Variants in FLRT2 observed in about 807,000 individuals in gnomAD.
FLRT2 encodes the protein fibronectin leucine rich transmembrane protein 2.
A neutral mutation model predicts 40.0 loss-of-function variants in FLRT2; 15 were observed. That is an observed-to-expected ratio of 0.38 (90% CI 0.25 to 0.58). The LOEUF (loss-of-function observed/expected upper bound fraction) is 0.58, where lower values mean the gene tolerates loss of function less well. FLRT2 is among the 20% of genes least tolerant of loss of function. FLRT2 has a pLI of 0.71. For synonymous variants in FLRT2, 380 were observed against 336.8 expected (o/e 1.13, Z -1.41); for missense variants, 726 against 840.0 (o/e 0.86, Z 1.68).
At position 85,624,457 on chromosome 14, in the gene FLRT2, T is replaced by C. The variant is rs138269960; in HGVS notation, c.*960T>C. ...ATTCACTGAGGCTATGTCAACATGATATTTAGACCAACAGGTGATCAATGT... is the reference window on the plus strand; with the variant it reads ...ATTCACTGAGGCTATGTCAACATGACATTTAGACCAACAGGTGATCAATGT... On this transcript the variant is annotated 3_prime_UTR_variant, in exon 2 of 2. Transcript: ENST00000330753. 5.9e-3 allele frequency: 989 copies of C among 167,224 alleles called. 6 individuals carry two copies. Among genetic ancestry groups the C allele is most frequent in the South Asian group, 0.023 (110 of 4,834 alleles). 10.4% of individuals were successfully genotyped at this position (167,224 alleles called of 1,614,324 possible). A position where few individuals can be genotyped will look rare whatever the true frequency, so the allele number is the denominator to read the frequency against.
chr14:85,565,829 T>C (rs547578386), intron 1 of FLRT2, among the ~76,000 whole-genome samples: 3 of 152,316 alleles, frequency 2.0e-5, no homozygotes, highest in South Asian at 2.1e-4. Context: ...CCTTGGAACC[T>C]GAAATGGAAT....
intron 1 of FLRT2, among the ~76,000 whole-genome samples, chr14:85,593,203 T>G (rs552379387): frequency 4.6e-5 from 7 of 152,316 alleles, no homozygotes; most frequent in Non-Finnish European, 7.4e-5. Context: ...TTATATAATT[T>G]TCCTAGATTA....
At chr14:85,577,558 C>A (rs761884361) in intron 1 of FLRT2, among the ~76,000 whole-genome samples, 29 of 152,086 alleles carry the variant, frequency 1.9e-4, no homozygotes, top group Non-Finnish European at 3.5e-4. Context: ...GAGGACTATG[C>A]CCTACCTTCC....
intron 1 of FLRT2, among the ~76,000 whole-genome samples, chr14:85,548,311 C>T (rs932014745): frequency 2.6e-5 from 4 of 152,212 alleles, no homozygotes; most frequent in Admixed American, 1.3e-4. Context: ...TTAAAATTAT[C>T]TCATAGAAGA....
intron 1 of FLRT2, among the ~76,000 whole-genome samples, chr14:85,576,231 T>C (rs1347081200): frequency 1.9e-4 from 29 of 152,258 alleles, no homozygotes; most frequent in Admixed American, 1.8e-3. Context: ...CCGGGTTTCC[T>C]TCAGCTCTAG....
At chr14:85,550,843 G>A (rs986306232) in intron 1 of FLRT2, among the ~76,000 whole-genome samples, 9 of 152,250 alleles carry the variant, frequency 5.9e-5, no homozygotes, top group African/African-American at 1.4e-4. Flanking sequence ...TCTGGAGGGG[G>A]TTTCATTGGA....
Position 85,650,998 on chromosome 14 carries a change from G to A in FLRT2, c.*27501G>A, listed in dbSNP as rs1031719075. On this transcript the variant is annotated 3_prime_UTR_variant, in exon 2 of 2. Transcript: ENST00000330753. Reference sequence around the variant, plus strand: ...TAAAGTGCTGGGATTATAGGCCTGAGCCACTGGCCTGTTTTGTTTTTCTTA... The same window carrying A: ...TAAAGTGCTGGGATTATAGGCCTGAACCACTGGCCTGTTTTGTTTTTCTTA... 6.6e-6 allele frequency: 1 copy of A among 151,908 alleles called. No individual in the cohort carries two copies. The highest frequency in any genetic ancestry group is 2.4e-5 in the African/African-American group (1 of 41,374). 9.4% of individuals were successfully genotyped at this position (151,908 alleles called of 1,614,324 possible).
chr14:85,538,138 T>C (rs933163047), intron 1 of FLRT2, among the ~76,000 whole-genome samples: 4 of 152,142 alleles, frequency 2.6e-5, no homozygotes, highest in African/African-American at 9.6e-5. Flanking sequence ...ATACCACCTC[T>C]AACTTAATTT....
chr14:85,549,384 C>T (rs1342780280), intron 1 of FLRT2, among the ~76,000 whole-genome samples: 2 of 152,206 alleles, frequency 1.3e-5, no homozygotes, highest in Admixed American at 1.3e-4. Context: ...AGCTCTTGTC[C>T]TGGCCTCTGC....
intron 1 of FLRT2, among the ~76,000 whole-genome samples, chr14:85,541,804 A>G (rs1566717420): frequency 6.6e-6 from 1 of 152,002 alleles, no homozygotes; most frequent in Non-Finnish European, 1.5e-5. Flanking sequence ...ATGGGTTTAT[A>G]CCCACCCCCA....
Position 85,641,234 on chromosome 14 carries a change from G to A in FLRT2, c.*17737G>A, listed in dbSNP as rs977001711. On this transcript the variant is annotated 3_prime_UTR_variant, in exon 2 of 2. Coordinates refer to ENST00000330753, the MANE Select transcript of FLRT2 (RefSeq NM_013231.6). ...ACAGTCAGCTTTTTCCCTGGATATG[G>A]CTTATTGGTATTCATTATTCCCAAT... 1 of 152,184 alleles carries A rather than the reference G, an allele frequency of 6.6e-6. No individual in the cohort carries two copies. Among genetic ancestry groups the A allele is most frequent in the African/African-American group, 2.4e-5 (1 of 41,438 alleles). The allele number at this position is 152,184 out of a possible 1,614,324, so 9.4% of individuals were successfully genotyped here.
intron 1 of FLRT2, among the ~76,000 whole-genome samples, chr14:85,542,820 T>G (rs1889057803): frequency 6.6e-6 from 1 of 152,190 alleles, no homozygotes; most frequent in African/African-American, 2.4e-5. Context: ...AGCTTGTAAC[T>G]GAGGATTTGA....
chr14:85,634,104 C>T lies in FLRT2; in HGVS notation c.*10607C>T, dbSNP rs1215934560. 1 of 152,182 alleles carries T rather than the reference C, an allele frequency of 6.6e-6. No homozygotes were observed. Among genetic ancestry groups the T allele is most frequent in the Non-Finnish European group, 1.5e-5 (1 of 68,036 alleles). 9.4% of individuals were successfully genotyped at this position (152,182 alleles called of 1,614,324 possible). A position where few individuals can be genotyped will look rare whatever the true frequency, so the allele number is the denominator to read the frequency against. The stretch of plus-strand genomic sequence containing the variant: ...TCAGCTGGATCACGTTGTTTTCTTT[C>T]TGTACACTTTGTGGTAGTTAATAGT... On this transcript the variant is annotated 3_prime_UTR_variant, in exon 2 of 2. Coordinates refer to ENST00000330753, the MANE Select transcript of FLRT2 (RefSeq NM_013231.6).
Position 85,636,952 on chromosome 14 carries a change from A to AC in FLRT2, c.*13455_*13456insC, listed in dbSNP as rs1894022067. 1 of 150,862 alleles carries AC rather than the reference A, an allele frequency of 6.6e-6. No individual in the cohort carries two copies. Among genetic ancestry groups the AC allele is most frequent in the African/African-American group, 2.4e-5 (1 of 41,148 alleles). The allele number at this position is 150,862 out of a possible 1,614,324, so 9.3% of individuals were successfully genotyped here. On this transcript the variant is annotated 3_prime_UTR_variant, in exon 2 of 2. Coordinates refer to ENST00000330753, the MANE Select transcript of FLRT2 (RefSeq NM_013231.6). ...TCCAAAAAAAAAAAAAAAAAAAAAA[A>AC]AAGAGAGAGACTAACATTCTAACAG...
At chr14:85,608,422 C>A (rs2747004) in intron 1 of FLRT2, among the ~76,000 whole-genome samples, 24,913 of 151,744 alleles carry the variant, frequency 0.16, 2,567 homozygotes, top group East Asian at 0.54. Flanking sequence ...TTAGTAGAGA[C>A]TGGGTTTCGC....
rs34410873 is a variant in FLRT2, at chr14:85,627,577, T to TACACACAC, written c.*4096_*4103dup. ...TTATTATCAAACATGCACATGCTTG[T>TACACACAC]ACACACACACACACACACACACAAA... On this transcript the variant is annotated 3_prime_UTR_variant, in exon 2 of 2. Coordinates refer to ENST00000330753, the MANE Select transcript of FLRT2 (RefSeq NM_013231.6). 6.2e-5 allele frequency: 10 copies of TACACACAC among 161,884 alleles called. No homozygotes were observed. The highest frequency in any genetic ancestry group is 2.7e-4 in the Admixed American group (4 of 15,060). The allele number at this position is 161,884 out of a possible 1,614,324, so 10.0% of individuals were successfully genotyped here. A position where few individuals can be genotyped will look rare whatever the true frequency, so the allele number is the denominator to read the frequency against.
In FLRT2 at chr14:85,622,171, G is replaced by C. The variant is rs149714285; in HGVS notation, c.657G>C (p.Lys219Asn). Reference protein sequence around the residue: ...LIVDGNLLTNKGIAEGTFSHL... With the variant: ...LIVDGNLLTNNGIAEGTFSHL... ...TGGACGGGAACCTCCTGACCAACAA[G>C]GGTATCGCCGAGGGCACCTTCAGCC... The change falls in exon 2 of 2, where the codon AAG becomes AAC. Residue 219 changes from lysine (K) to asparagine (N), a missense_variant. By Grantham distance (94) the Lys-to-Asn change is moderately conservative (BLOSUM62 0). This residue lies in a region of FLRT2 where 611 missense variants were observed against 690.0 expected (regional missense o/e 0.89). Transcript: ENST00000330753. 77 of 1,614,024 alleles carry C rather than the reference G, an allele frequency of 4.8e-5. 1 individual carries two copies. The highest frequency in any genetic ancestry group is 3.7e-4 in the South Asian group (34 of 91,074).
rs1172747489 is a variant in FLRT2, at chr14:85,638,477, A to G, written c.*14980A>G. 6.6e-6 allele frequency: 1 copy of G among 152,186 alleles called. No homozygotes were observed. Among genetic ancestry groups the G allele is most frequent in the Non-Finnish European group, 1.5e-5 (1 of 68,190 alleles). The allele number at this position is 152,186 out of a possible 1,614,324, so 9.4% of individuals were successfully genotyped here. A position where few individuals can be genotyped will look rare whatever the true frequency, so the allele number is the denominator to read the frequency against. Reference sequence around the variant, plus strand: ...TCATCATGGCTTTACTTCTCCCTCTACCAGTCCTGGTTCTTCATAGCCTTC... The same window carrying G: ...TCATCATGGCTTTACTTCTCCCTCTGCCAGTCCTGGTTCTTCATAGCCTTC... On this transcript the variant is annotated 3_prime_UTR_variant, in exon 2 of 2. Coordinates refer to ENST00000330753, the MANE Select transcript of FLRT2 (RefSeq NM_013231.6).
rs938939195 is a variant in FLRT2, at chr14:85,624,559, G to C, written c.*1062G>C. ...ACAAAAACAACTGATCAGTGGTTCT[G>C]TTATGTCAGCTGACTTTGTTAGTAT... On this transcript the variant is annotated 3_prime_UTR_variant, in exon 2 of 2. Coordinates refer to ENST00000330753, the MANE Select transcript of FLRT2 (RefSeq NM_013231.6). The C allele has an allele frequency of 6.0e-6, 1 of 167,008 alleles. No individual in the cohort carries two copies. The highest frequency in any genetic ancestry group is 1.5e-5 in the Non-Finnish European group (1 of 68,106). 10.3% of individuals were successfully genotyped at this position (167,008 alleles called of 1,614,324 possible).
Sources: gnomAD v4.1 joint callset for allele counts (sites outside exome capture counted in the v4.1 genomes callset) on GRCh38, gnomAD v4.1.1 for gene constraint, gnomAD v4.1.1 regional missense constraint, MANE v1.5 for transcripts, NCBI Gene and HGNC (gene_info 2026-07-23, HGNC 2026-07-21) for gene names.